The following KLHL15 variants were observed in gnomAD, a reference collection of about 807,000 sequenced individuals.
KLHL15 encodes the protein kelch like family member 15.
A neutral mutation model predicts 29.3 loss-of-function variants in KLHL15; 1 was observed. That is an observed-to-expected ratio of 0.03 (90% CI 0.01 to 0.16). KLHL15 has a LOEUF of 0.16. Ranked by LOEUF, KLHL15 falls within the 10% of genes least tolerant of loss-of-function variation. KLHL15 has a pLI of 1.00. For missense variants in KLHL15, 215 were observed against 478.5 expected (o/e 0.45, Z 5.14); for synonymous variants, 212 against 184.5 (o/e 1.15, Z -1.21).
chrX:24,002,908 G>A (rs1295892619), intron 3 of KLHL15, among the ~76,000 whole-genome samples: 1 of 112,720 alleles, frequency 8.9e-6, no homozygotes. Context: ...GATTATAGGC[G>A]TAAACCACCC....
chrX:24,011,263 C>T (rs1278778950), intron 2 of KLHL15, among the ~76,000 whole-genome samples: 12 of 104,321 alleles, frequency 1.2e-4, no homozygotes, highest in African/African-American at 3.9e-4. Flanking sequence ...CCCAGCACTT[C>T]GGGAGGCTGA....
intron 2 of KLHL15, among the ~76,000 whole-genome samples, chrX:24,012,710 G>A (rs889239573): frequency 1.8e-5 from 2 of 111,145 alleles, no homozygotes; most frequent in East Asian, 5.7e-4. Context: ...ATCCCATTTT[G>A]ACATCTCAAA....
intron 2 of KLHL15, among the ~76,000 whole-genome samples, chrX:24,009,099 C>T (rs1206219377): frequency 8.9e-6 from 1 of 111,805 alleles, no homozygotes; most frequent in African/African-American, 3.3e-5. Context: ...TGGCTCACAC[C>T]TGTAATCCCA....
chrX:24,003,154 C>T (rs1167709841), intron 3 of KLHL15, among the ~76,000 whole-genome samples: 2 of 112,051 alleles, frequency 1.8e-5, no homozygotes, highest in Non-Finnish European at 3.8e-5. Context: ...GATTGGGAAG[C>T]AGCTGCCCTG....
rs531099917 is a variant in KLHL15 at position 24,017,779 on chromosome X, CAAAA to C, written c.-8+7074_-8+7077del. Among the ~76,000 whole-genome samples the C allele has an allele frequency of 2.9e-3, 125 of 42,497 alleles. 1 individual carries two copies. The highest frequency in any genetic ancestry group is 8.9e-3 in the South Asian group (7 of 786). 36.9% of individuals were successfully genotyped at this position (42,497 alleles called of 115,157 possible). A position where few individuals can be genotyped will look rare whatever the true frequency, so the allele number is the denominator to read the frequency against. ...TGGGCAACAGAGTGAGACCATGTCCCAAAAAAAAAAAAAAAAAAAAAAAAAAATT... is the reference window on the plus strand; with the variant it reads ...TGGGCAACAGAGTGAGACCATGTCCCAAAAAAAAAAAAAAAAAAAAAAATT... On this transcript the variant is annotated intron_variant, in intron 2 of 3. Transcript: ENST00000328046.
At chrX:24,009,702 A>C (rs1401840295) in intron 2 of KLHL15, among the ~76,000 whole-genome samples, 2 of 102,009 alleles carry the variant, frequency 2.0e-5, no homozygotes, top group Non-Finnish European at 4.0e-5. Context: ...AAAAAAAAAA[A>C]AAAAAAGCCG....
chrX:24,026,991 T>C (rs1006658775), intron 1 of KLHL15, 149 bp downstream of exon 1: 1 of 112,625 alleles, frequency 8.9e-6, no homozygotes, highest in Non-Finnish European at 1.9e-5. Context: ...ATTTTTAAAA[T>C]TAAATCATAA....
In KLHL15 at chrX:24,011,701, G is replaced by A. The variant is rs181858364; in HGVS notation, c.-7-5001C>T. Among the ~76,000 whole-genome samples the A allele has an allele frequency of 3.2e-3, 360 of 111,509 alleles. 2 individuals carry two copies. The highest frequency in any genetic ancestry group is 0.011 in the African/African-American group (340 of 30,718). ...ATCTGTAGTCCTGGCTACTCGGGAG[G>A]CTGAGGTGAGAGAATCACCTGAGCC... On this transcript the variant is annotated intron_variant, in intron 2 of 3. Transcript: ENST00000328046.
chrX:24,013,944 T>C (rs1279284739), intron 2 of KLHL15, among the ~76,000 whole-genome samples: 1 of 111,234 alleles, frequency 9.0e-6, no homozygotes, highest in Non-Finnish European at 1.9e-5. Context: ...AGGATCATTA[T>C]GGTCACCAAC....
intron 2 of KLHL15, among the ~76,000 whole-genome samples, chrX:24,009,686 CAAAAAAAAAAA>C (rs748388349): frequency 0.025 from 851 of 34,237 alleles, 6 homozygotes; most frequent in Middle Eastern, 0.083. Flanking sequence ...GTTCCATTTT[CAAAAAAAAAAA>C]AAAAAAAAAA....
At chrX:24,023,464 T>A in intron 2 of KLHL15, among the ~76,000 whole-genome samples, 1 of 112,214 alleles carries the variant, frequency 8.9e-6, no homozygotes, top group Non-Finnish European at 1.9e-5. Flanking sequence ...ATTATAAATT[T>A]AATAAAACAT....
intron 2 of KLHL15, among the ~76,000 whole-genome samples, chrX:24,024,589 G>C (rs1225760515): frequency 8.9e-6 from 1 of 112,678 alleles, no homozygotes; most frequent in Non-Finnish European, 1.9e-5. Flanking sequence ...GGGAAGGAAC[G>C]GGTTAGGCAA....
chrX:24,013,245 C>G (rs1028773919), intron 2 of KLHL15, among the ~76,000 whole-genome samples: 3 of 110,198 alleles, frequency 2.7e-5, no homozygotes, highest in African/African-American at 9.9e-5. Context: ...AGTAGGCACA[C>G]CACTGCACCC....
At chrX:23,989,798 T>C (rs1451334889) in intron 3 of KLHL15, among the ~76,000 whole-genome samples, 1 of 110,598 alleles carries the variant, frequency 9.0e-6, no homozygotes, top group East Asian at 2.9e-4. Context: ...CCTTTAATTT[T>C]TAAAATTTTA....
chrX:24,021,318 C>T (rs950783246), intron 2 of KLHL15, among the ~76,000 whole-genome samples: 2 of 111,417 alleles, frequency 1.8e-5, no homozygotes, highest in Admixed American at 9.6e-5. Context: ...CTGGATCACA[C>T]TATCCCCAGA....
At chrX:24,001,712 G>A (rs1208711077) in intron 3 of KLHL15, among the ~76,000 whole-genome samples, 2 of 98,517 alleles carry the variant, frequency 2.0e-5, no homozygotes, top group Non-Finnish European at 4.0e-5. Flanking sequence ...GCTGAGGCAG[G>A]AGAATCGCTT....
At chrX:24,005,531 T>G (rs942008029) in intron 3 of KLHL15, among the ~76,000 whole-genome samples, 3 of 111,754 alleles carry the variant, frequency 2.7e-5, no homozygotes, top group African/African-American at 9.7e-5. Context: ...CCTTGCTATA[T>G]TTTAGAGGAA....
chrX:24,001,542 G>A (rs967396102), intron 3 of KLHL15, among the ~76,000 whole-genome samples: 3 of 110,890 alleles, frequency 2.7e-5, no homozygotes, highest in Non-Finnish European at 5.7e-5. Context: ...GGTGGCTCAA[G>A]CCTGTAATCC....
intron 2 of KLHL15, among the ~76,000 whole-genome samples, chrX:24,018,912 A>C (rs1391645670): frequency 9.0e-6 from 1 of 111,603 alleles, no homozygotes; most frequent in Non-Finnish European, 1.9e-5. Flanking sequence ...GTGAGGCACG[A>C]GAATTGCTTG....
Sources: allele counts gnomAD v4.1 joint callset (sites outside exome capture counted in the v4.1 genomes callset), GRCh38; gene constraint gnomAD v4.1.1; transcripts MANE v1.5; gene names NCBI Gene and HGNC (gene_info 2026-07-23, HGNC 2026-07-21).